Variants in AASDH observed in about 807,000 individuals in gnomAD.
The protein encoded by AASDH is beta-alanine-activating enzyme.
AASDH carries 81 observed loss-of-function variants against 102.3 expected under a neutral mutation model. The ratio of observed to expected loss-of-function variants is 0.79; its 90% CI spans 0.66 to 0.95. AASDH has a LOEUF of 0.95. Among genes scored for constraint, AASDH ranks in the 40% least tolerant of loss-of-function variants. The pLI, the probability that AASDH is intolerant of heterozygous loss-of-function variation, is 0.00. For synonymous variants in AASDH, 398 were observed against 454.0 expected (o/e 0.88, Z 1.57); for missense variants, 1,203 against 1,266.2 (o/e 0.95, Z 0.76).
chr4:56,356,937 C>A, intron 5 of AASDH: 1 of 723,608 alleles, frequency 1.4e-6, no homozygotes, highest in Non-Finnish European at 2.4e-6. Flanking sequence ...GTTAAATGTA[C>A]ACTGCTGAGT....
At chr4:56,351,504 TTCAC>T in intron 9 of AASDH, 47 bp from the exon 10 acceptor site, 1 of 1,105,588 alleles carries the variant, frequency 9.0e-7, no homozygotes, top group South Asian at 1.4e-5. Context: ...ATTTTAAAAT[TTCAC>T]TCAAAGCCTT....
intron 6 of AASDH, 83 bp downstream of exon 6, chr4:56,355,099 G>A: frequency 6.9e-7 from 1 of 1,447,332 alleles, no homozygotes. Context: ...TATTACCCCA[G>A]CACCTATCAA....
Position 56,378,411 on chromosome 4 carries a change from T to C in AASDH, c.405A>G (p.Glu135=). The C allele has an allele frequency of 6.2e-7, 1 of 1,613,240 alleles. No homozygotes were observed. Among genetic ancestry groups the C allele is most frequent in the Non-Finnish European group, 8.5e-7 (1 of 1,179,730 alleles). Residue 135 remains glutamate, a synonymous_variant, in exon 4 of 15, where the codon GAA becomes GAG. Transcript: ENST00000205214. ...GTCTGAAGAGCACTAGGTCATTATG[T>C]TCCACTGTAAATGTATCATAGTTCA... is the stretch of plus-strand genomic sequence containing the variant. The part of the protein sequence containing the change: ...TLLNYDTFTV[E]HNDLVLFRLH...
intron 5 of AASDH, chr4:56,356,609 A>T: frequency 1.4e-6 from 1 of 720,406 alleles, no homozygotes; most frequent in Middle Eastern, 3.7e-4. Flanking sequence ...GTGACTGCAC[A>T]CGTGGCTCCC....
chr4:56,371,630 T>C lies in AASDH; in HGVS notation c.682A>G (p.Ile228Val), dbSNP rs1204646896. The stretch of plus-strand genomic sequence containing the variant: ...AGAAACAAAACATCTTCTTGTGTGA[T>C]GTCAAAAAGTACCCTAAGGCAAAAC... Reference protein sequence around the residue: ...NIQHFRVLFDITQEDVLFLAS... With the variant: ...NIQHFRVLFDVTQEDVLFLAS... The change falls in exon 5 of 15, where the codon ATC becomes GTC. Residue 228 changes from isoleucine (I) to valine (V), a missense_variant. Physicochemically the swap from Ile to Val is conservative, Grantham distance 29 (BLOSUM62 3). Coordinates refer to ENST00000205214, the MANE Select transcript of AASDH (RefSeq NM_181806.4). 5.0e-6 allele frequency: 8 copies of C among 1,602,972 alleles called. No individual in the cohort carries two copies. The highest frequency in any genetic ancestry group is 4.5e-5 in the East Asian group (2 of 44,732).
chr4:56,378,311 TTTTTA>T lies in AASDH; in HGVS notation c.500_504del (p.Ile167LysfsTer5), dbSNP rs1444451781. The T allele has an allele frequency of 2.5e-6, 4 of 1,614,178 alleles. No individual in the cohort carries two copies. In the Admixed American group the frequency reaches 6.7e-5, roughly 27 times the overall value. Reference sequence around the variant, plus strand: ...TCATTGACATGCTCAGAACTTATGCTTTTTATTTTTTCTTTTTCATATTTCTCTTT... The same window carrying T: ...TCATTGACATGCTCAGAACTTATGCTTTTTTTCTTTTTCATATTTCTCTTT... On this transcript the variant is annotated frameshift_variant, in exon 4 of 15. Transcript: ENST00000205214. LOFTEE classifies it high-confidence loss of function.
Position 56,359,416 on chromosome 4 carries a change from T to C in AASDH, c.862-3993A>G, listed in dbSNP as rs1275510089. Reference sequence around the variant, plus strand: ...CTGGGATTACAGGCACCTGCCACCATGTGTGGCTAATTTTTTTGCATTTTT... The same window carrying C: ...CTGGGATTACAGGCACCTGCCACCACGTGTGGCTAATTTTTTTGCATTTTT... On this transcript the variant is annotated intron_variant, in intron 5 of 14. Coordinates refer to ENST00000205214, the MANE Select transcript of AASDH (RefSeq NM_181806.4). Among the ~76,000 whole-genome samples, 8 of 151,534 alleles carry C rather than the reference T, an allele frequency of 5.3e-5. No homozygotes were observed. The East Asian group carries it at 1.6e-3, about 30-fold the overall frequency.
At chr4:56,356,821 G>A (rs547925490) in intron 5 of AASDH, 9 of 784,264 alleles carry the variant, frequency 1.1e-5, no homozygotes, top group African/African-American at 5.1e-5. Context: ...TGACAGATAC[G>A]ATGAGATCCA....
In AASDH at chr4:56,384,156, A is replaced by T; in HGVS notation, c.144T>A (p.Phe48Leu). ...CTTGAAAGTCACAGTGTAACAGCAG[A>T]AAATTTGATAATTCAGAAGCAGCAT... Reference protein sequence around the residue: ...VVNAASELSNFLLLHCDFQGI... With the variant: ...VVNAASELSNLLLLHCDFQGI... Residue 48 changes from phenylalanine to leucine, a missense_variant, in exon 2 of 15, where the codon TTT (phenylalanine) becomes TTA (leucine). Phe to Leu is a conservative substitution (Grantham distance 22). Transcript: ENST00000205214. 1 of 1,614,198 alleles carries T rather than the reference A, an allele frequency of 6.2e-7. No homozygotes were observed. The highest frequency in any genetic ancestry group is 8.5e-7 in the Non-Finnish European group (1 of 1,180,030).
In AASDH at chr4:56,370,824, T is replaced by C. The variant is rs189975904; in HGVS notation, c.861+627A>G. Among the ~76,000 whole-genome samples, 72 of 152,348 alleles carry C rather than the reference T, an allele frequency of 4.7e-4. 1 individual carries two copies. Among genetic ancestry groups the C allele is most frequent in the Admixed American group, 4.1e-3 (62 of 15,298 alleles). ...TCCATTTACAGATAAAACCTGAGGC[T>C]CACAGCAGTTAAACATTTAACTAAG... On this transcript the variant is annotated intron_variant, in intron 5 of 14. Coordinates refer to ENST00000205214, the MANE Select transcript of AASDH (RefSeq NM_181806.4).
At chr4:56,348,899 C>A in intron 11 of AASDH, 1 of 213,196 alleles carries the variant, frequency 4.7e-6, no homozygotes, top group Admixed American at 5.4e-5. Flanking sequence ...TCCTGAATTG[C>A]TGACCCATAG....
chr4:56,354,424 AT>A (rs1276093138), intron 7 of AASDH, among the ~76,000 whole-genome samples: 2 of 152,300 alleles, frequency 1.3e-5, no homozygotes, highest in South Asian at 4.1e-4. Flanking sequence ...AATTTATGGA[AT>A]TAAAAAAATT....
rs769149976 is a variant in AASDH, at chr4:56,349,901, C to G, written c.1850G>C (p.Ser617Thr). Residue 617 changes from serine to threonine, a missense_variant, in exon 11 of 15, where the codon AGT (serine) becomes ACT (threonine). By Grantham distance (58) the Ser-to-Thr change is moderately conservative (BLOSUM62 1). Coordinates refer to ENST00000205214, the MANE Select transcript of AASDH (RefSeq NM_181806.4). Reference protein sequence around the residue: ...VPGLLEIILSSSILEIYNHIL... With the variant: ...VPGLLEIILSTSILEIYNHIL... ...GTGATTATAAATCTCTAAAATGGAA[C>G]TGCTGAGAATAATTTCCAGAAGCCC... is the stretch of plus-strand genomic sequence containing the variant. 7 of 1,614,134 alleles carry G rather than the reference C, an allele frequency of 4.3e-6. No homozygotes were observed. The East Asian group carries it at 1.6e-4, about 36-fold the overall frequency.
At chr4:56,353,009 CTTT>C (rs879524516) in intron 9 of AASDH, among the ~76,000 whole-genome samples, 1 of 144,816 alleles carries the variant, frequency 6.9e-6, no homozygotes. Context: ...TACCTAACCT[CTTT>C]TTTTTTTTTT....
Position 56,384,210 on chromosome 4 carries a change from T to C in AASDH, c.90A>G (p.Pro30=). 1.2e-6 allele frequency: 2 copies of C among 1,614,154 alleles called. No individual in the cohort carries two copies. The highest frequency in any genetic ancestry group is 1.7e-6 in the Non-Finnish European group (2 of 1,180,012). ...CCACAGTCTTGTAGGTGTAGTAAAC[T>C]GGAAGCTGGTTGTTGCATTCATCAA... ...VCFDECNNQL[P]VYYTYKTVVN... The change falls in exon 2 of 15, where the codon CCA becomes CCG. Residue 30 remains proline (P), a synonymous_variant. Transcript: ENST00000205214.
intron 4 of AASDH, among the ~76,000 whole-genome samples, chr4:56,377,684 A>G (rs1336126092): frequency 6.6e-6 from 1 of 152,248 alleles, no homozygotes; most frequent in Non-Finnish European, 1.5e-5. Flanking sequence ...CAGAGAACTA[A>G]AGTTCAGATA....
At chr4:56,364,883 G>T (rs144084090) in intron 5 of AASDH, among the ~76,000 whole-genome samples, 11,350 of 152,178 alleles carry the variant, frequency 0.075, 603 homozygotes, top group East Asian at 0.25. Context: ...AACCTGAAAT[G>T]TAAATGGGCT....
rs929621303 is a variant in AASDH, at chr4:56,354,857, T to C, written c.1104-46A>G. 2.1e-6 allele frequency: 3 copies of C among 1,432,088 alleles called. No individual in the cohort carries two copies. In the South Asian group the frequency reaches 3.8e-5, roughly 18 times the overall value. 88.7% of individuals were successfully genotyped at this position (1,432,088 alleles called of 1,614,324 possible). On this transcript the variant is annotated intron_variant, in intron 6 of 14. Coordinates refer to ENST00000205214, the MANE Select transcript of AASDH (RefSeq NM_181806.4). ...GCAGATTTAAAATTTTTCATTTGAA[T>C]AGAATATTTTCCAATATATTTAAAT...
In AASDH at chr4:56,378,238, G is replaced by C. The variant is rs747060054; in HGVS notation, c.578C>G (p.Ala193Gly). 4 of 1,614,186 alleles carry C rather than the reference G, an allele frequency of 2.5e-6. No homozygotes were observed. In the East Asian group the frequency reaches 8.9e-5, roughly 36 times the overall value. ...AGTCCCTGATGTATGTAGAACATAG[G>C]CTAAGCAATGCTTTAGCCTCAGATC... is the stretch of plus-strand genomic sequence containing the variant. ...HMDLRLKHCLAYVLHTSGTTG... is the reference protein window; with the variant it reads ...HMDLRLKHCLGYVLHTSGTTG... The change falls in exon 4 of 15, where the codon GCC (alanine) becomes GGC (glycine). Residue 193 changes from alanine (A) to glycine (G), a missense_variant. Ala to Gly is a moderately conservative substitution (Grantham distance 60). Coordinates refer to ENST00000205214, the MANE Select transcript of AASDH (RefSeq NM_181806.4).
Sources: allele counts gnomAD v4.1 joint callset (sites outside exome capture counted in the v4.1 genomes callset), GRCh38; gene constraint gnomAD v4.1.1; transcripts MANE v1.5; gene names NCBI Gene and HGNC (gene_info 2026-07-23, HGNC 2026-07-21).